Variants in DYTN observed in about 807,000 individuals in gnomAD.
DYTN encodes dystrotelin.
In DYTN, 75 loss-of-function variants were observed where a neutral mutation model predicts 69.6. That is an observed-to-expected ratio of 1.08 (90% CI 0.89 to 1.31). The LOEUF is 1.31. Ranked by LOEUF, DYTN falls within the 50% of genes most tolerant of loss-of-function variation. The pLI is 0.00. For missense variants in DYTN, 726 were observed against 688.4 expected, an observed-to-expected ratio of 1.05 and a Z score of -0.61; for synonymous variants, 252 against 249.1, an observed-to-expected ratio of 1.01 and a Z score of -0.11.
intron 9 of DYTN, among the ~76,000 whole-genome samples, chr2:206,682,256 T>C (rs1199848833): frequency 6.6e-6 from 1 of 152,270 alleles, no homozygotes; most frequent in East Asian, 1.9e-4. Context: ...TGTCTTTTGA[T>C]TCTTCTTTCT....
chr2:206,655,696 T>C (rs376165738), intron 11 of DYTN, among the ~76,000 whole-genome samples: 31 of 152,004 alleles, frequency 2.0e-4, no homozygotes, highest in African/African-American at 7.0e-4. Flanking sequence ...AGCACTAGGA[T>C]TATAGGCATA....
At chr2:206,662,772 T>TA in intron 11 of DYTN, 131 bp downstream of exon 11, 4 of 1,369,610 alleles carry the variant, frequency 2.9e-6, no homozygotes, top group Non-Finnish European at 3.9e-6. Context: ...ATGCTACTGA[T>TA]AACCAATAGA....
chr2:206,689,148 AC>A (rs1293137192), intron 9 of DYTN, among the ~76,000 whole-genome samples: 2 of 152,212 alleles, frequency 1.3e-5, no homozygotes, highest in African/African-American at 4.8e-5. Flanking sequence ...TTGGCACCTA[AC>A]TTTCAGTTCT....
intron 1 of DYTN, among the ~76,000 whole-genome samples, chr2:206,714,101 G>T (rs1024971000): frequency 2.0e-5 from 3 of 152,228 alleles, no homozygotes; most frequent in African/African-American, 7.2e-5. Context: ...AGAATTTAAA[G>T]AATGGAAAGG....
intron 9 of DYTN, among the ~76,000 whole-genome samples, chr2:206,679,694 A>G (rs1699729234): frequency 6.6e-6 from 1 of 152,222 alleles, no homozygotes; most frequent in South Asian, 2.1e-4. Flanking sequence ...CATCTAAAGA[A>G]CAGATAAATA....
intron 4 of DYTN, among the ~76,000 whole-genome samples, chr2:206,705,464 A>C (rs1700015883): frequency 6.6e-6 from 1 of 152,218 alleles, no homozygotes; most frequent in Admixed American, 6.5e-5. Context: ...CAACACCTTG[A>C]TCATTCAGTA....
intron 9 of DYTN, among the ~76,000 whole-genome samples, chr2:206,682,170 G>A (rs1228217715): frequency 1.3e-5 from 2 of 152,132 alleles, no homozygotes; most frequent in African/African-American, 4.8e-5. Flanking sequence ...TTGCCTAGAG[G>A]TGTTTACAGT....
intron 3 of DYTN, among the ~76,000 whole-genome samples, chr2:206,706,961 T>C (rs890873752): frequency 6.6e-6 from 1 of 151,336 alleles, no homozygotes; most frequent in African/African-American, 2.4e-5. Flanking sequence ...AAGCTAGCAG[T>C]AGCAAGAACT....
rs772885123 is a variant in DYTN at position 206,663,101 on chromosome 2, C to T, written c.1435G>A (p.Ala479Thr). Residue 479 changes from alanine to threonine, a missense_variant, in exon 11 of 12, where the codon GCC (alanine) becomes ACC (threonine). Ala to Thr is a moderately conservative substitution (Grantham distance 58). Coordinates refer to ENST00000452335, the MANE Select transcript of DYTN (RefSeq NM_001093730.1). ...AGTCCCTCCTGATAACTGGGTAGGG[C>T]ACTAATGACTTTCTGTGGCATCTTT... is the stretch of plus-strand genomic sequence containing the variant. The part of the protein sequence containing the change: ...TQKMPQKVIS[A>T]LPSYQEGLKQ... 1 of 1,613,860 alleles carries T rather than the reference C, an allele frequency of 6.2e-7. No individual in the cohort carries two copies. Among genetic ancestry groups the T allele is most frequent in the South Asian group, 1.1e-5 (1 of 91,074 alleles).
chr2:206,666,846 C>A (rs896836628), intron 9 of DYTN, among the ~76,000 whole-genome samples: 2 of 136,660 alleles, frequency 1.5e-5, no homozygotes, highest in Admixed American at 1.5e-4. Context: ...GGCAACATGG[C>A]AAGACCTCAT....
chr2:206,679,781 G>A (rs1699730174), intron 9 of DYTN, among the ~76,000 whole-genome samples: 1 of 152,162 alleles, frequency 6.6e-6, no homozygotes, highest in South Asian at 2.1e-4. Context: ...ATTATTCTGT[G>A]ATATACTTAA....
intron 11 of DYTN, among the ~76,000 whole-genome samples, chr2:206,658,246 G>A (rs1437586264): frequency 2.0e-5 from 3 of 152,000 alleles, no homozygotes; most frequent in Non-Finnish European, 1.5e-5. Flanking sequence ...TTTCGTTCAT[G>A]TATTGTTCTC....
At chr2:206,695,214 C>T (rs769450616) in intron 7 of DYTN, among the ~76,000 whole-genome samples, 10 of 152,162 alleles carry the variant, frequency 6.6e-5, no homozygotes, top group Non-Finnish European at 1.5e-4. Context: ...CTTAAATCTG[C>T]AGCTGCGTTT....
chr2:206,689,638 C>A (rs1262214801), intron 9 of DYTN, among the ~76,000 whole-genome samples: 1 of 152,106 alleles, frequency 6.6e-6, no homozygotes, highest in Non-Finnish European at 1.5e-5. Context: ...AGAGGTTATC[C>A]CAATTAACAG....
intron 9 of DYTN, among the ~76,000 whole-genome samples, chr2:206,688,610 G>C (rs1699835822): frequency 6.6e-6 from 1 of 152,104 alleles, no homozygotes; most frequent in South Asian, 2.1e-4. Flanking sequence ...AAAAGCACCA[G>C]GAGTGTTAAT....
At chr2:206,687,729 T>C (rs1010339007) in intron 9 of DYTN, among the ~76,000 whole-genome samples, 2 of 152,172 alleles carry the variant, frequency 1.3e-5, no homozygotes, top group Non-Finnish European at 2.9e-5. Flanking sequence ...GGATAGCCAA[T>C]TATGCATTAT....
chr2:206,672,481 C>T (rs16838464), intron 9 of DYTN, among the ~76,000 whole-genome samples: 20,978 of 152,140 alleles, frequency 0.14, 2,396 homozygotes, highest in African/African-American at 0.31. Context: ...AGCTCTCTGT[C>T]GCACACTCTA....
intron 7 of DYTN, among the ~76,000 whole-genome samples, chr2:206,695,175 G>T (rs950751218): frequency 1.3e-5 from 2 of 152,204 alleles, no homozygotes; most frequent in Admixed American, 1.3e-4. Flanking sequence ...TATGCAGGGT[G>T]CTGTGTGCTA....
At chr2:206,693,921 T>C (rs1699891869) in intron 8 of DYTN, among the ~76,000 whole-genome samples, 1 of 152,204 alleles carries the variant, frequency 6.6e-6, no homozygotes, top group Non-Finnish European at 1.5e-5. Flanking sequence ...ATCCTAGGCC[T>C]GTGAACCTGA....
Sources: gnomAD v4.1 joint callset for allele counts (sites outside exome capture counted in the v4.1 genomes callset) on GRCh38, gnomAD v4.1.1 for gene constraint, MANE v1.5 for transcripts, NCBI Gene and HGNC (gene_info 2026-07-23, HGNC 2026-07-21) for gene names.